KIAA1191: variants seen among roughly 807,000 people sequenced by gnomAD.
KIAA1191 encodes the protein putative monooxygenase p33MONOX.
In KIAA1191, 22 loss-of-function variants were observed where a neutral mutation model predicts 31.1. The observed-to-expected ratio is 0.71, with a 90% CI of 0.51 to 1.01. The LOEUF (loss-of-function observed/expected upper bound fraction) is 1.01. KIAA1191 is among the 50% of genes least tolerant of loss of function. KIAA1191 has a pLI of 0.00. For synonymous variants in KIAA1191, 130 were observed against 143.9 expected (o/e 0.90, Z 0.69); for missense variants, 319 against 388.0 (o/e 0.82, Z 1.49).
intron 5 of KIAA1191, 76 bp from the exon 6 acceptor site, chr5:176,350,813 A>G: frequency 6.4e-7 from 1 of 1,556,194 alleles, no homozygotes; most frequent in Non-Finnish European, 8.7e-7. Context: ...ATGGATATCT[A>G]CTATTCTCCC....
At chr5:176,353,121 G>C (rs1425252187) in intron 4 of KIAA1191, 1 of 167,564 alleles carries the variant, frequency 6.0e-6, no homozygotes, top group South Asian at 1.6e-4. Flanking sequence ...TAATTGATGA[G>C]AGCACTGGCT....
At chr5:176,351,630 C>T (rs565409507) in intron 5 of KIAA1191, among the ~76,000 whole-genome samples, 83 of 151,944 alleles carry the variant, frequency 5.5e-4, no homozygotes, top group African/African-American at 1.8e-3. Flanking sequence ...TGGTGGTGGG[C>T]GCCTGTAGTC....
In KIAA1191 at chr5:176,350,658, G is replaced by A; in HGVS notation, c.414C>T (p.Leu138=). 3 of 1,614,118 alleles carry A rather than the reference G, an allele frequency of 1.9e-6. No individual in the cohort carries two copies. The highest frequency in any genetic ancestry group is 1.7e-6 in the Non-Finnish European group (2 of 1,180,022). ...RDAGYTPHKG[L]TTEETKYLRV... ...GAAGGTACTTGGTCTCCTCGGTGGT[G>A]AGGCCCTTGTGGGGTGTGTAGCCAG... The change falls in exon 6 of 9, where the codon CTC becomes CTT. Residue 138 remains leucine (L), a synonymous_variant. Transcript: ENST00000298569.
At chr5:176,351,685 G>A (rs1001796001) in intron 5 of KIAA1191, among the ~76,000 whole-genome samples, 2 of 151,864 alleles carry the variant, frequency 1.3e-5, no homozygotes, top group Non-Finnish European at 1.5e-5. Flanking sequence ...TTGAACCTGG[G>A]AGGCGAAGGT....
intron 3 of KIAA1191, among the ~76,000 whole-genome samples, chr5:176,358,723 C>T (rs1767707187): frequency 7.0e-6 from 1 of 142,290 alleles, no homozygotes; most frequent in Non-Finnish European, 1.5e-5. Flanking sequence ...TAAAATAAAA[C>T]TGGCTGGGCG....
In KIAA1191 at chr5:176,348,373, G is replaced by A. The variant is rs774556498; in HGVS notation, c.460-17C>T. On this transcript the variant is annotated splice_polypyrimidine_tract_variant and intron_variant, in intron 6 of 8. Transcript: ENST00000298569. Reference sequence around the variant, plus strand: ...CTTTAGTTTCTGCTCAGATGGGTAAGAAGAGAGACTTTTTAAAAATGAAAG... The same window carrying A: ...CTTTAGTTTCTGCTCAGATGGGTAAAAAGAGAGACTTTTTAAAAATGAAAG... 3 of 1,583,542 alleles carry A rather than the reference G, an allele frequency of 1.9e-6. No homozygotes were observed. The highest frequency in any genetic ancestry group is 2.6e-6 in the Non-Finnish European group (3 of 1,155,526).
chr5:176,348,938 C>T (rs1766757099), intron 6 of KIAA1191: 1 of 153,210 alleles, frequency 6.5e-6, no homozygotes, highest in Non-Finnish European at 1.5e-5. Context: ...AGGTCTACAT[C>T]TCAGCTCTTC....
chr5:176,348,142 G>T, intron 7 of KIAA1191, 79 bp from the exon 8 acceptor site: 1 of 1,597,504 alleles, frequency 6.3e-7, no homozygotes. Flanking sequence ...AAAGAACAGG[G>T]AACTATCCCT....
Position 176,350,643 on chromosome 5 carries a change from G to A in KIAA1191, c.429C>T (p.Thr143=), listed in dbSNP as rs746615191. 91 of 1,614,026 alleles carry A rather than the reference G, an allele frequency of 5.6e-5. 1 individual carries two copies. The Middle Eastern group carries it at 8.3e-4, about 15-fold the overall frequency. The change falls in exon 6 of 9, where the codon ACC becomes ACT. Residue 143 remains threonine, a synonymous_variant. Coordinates refer to ENST00000298569, the MANE Select transcript of KIAA1191 (RefSeq NM_020444.5). ...TPHKGLTTEE[T]KYLRVAEALH... is the part of the protein sequence containing the mutation. Reference sequence around the variant, plus strand: ...GTGCTTCGGCCACTCGAAGGTACTTGGTCTCCTCGGTGGTGAGGCCCTTGT... The same window carrying A: ...GTGCTTCGGCCACTCGAAGGTACTTAGTCTCCTCGGTGGTGAGGCCCTTGT...
At chr5:176,359,643 A>C in intron 2 of KIAA1191, 76 bp from the exon 3 acceptor site, 1 of 734,718 alleles carries the variant, frequency 1.4e-6, no homozygotes, top group South Asian at 1.5e-5. Context: ...CACAGAATTG[A>C]ACGGCTTGTT....
rs1191967762 is a variant in KIAA1191 at position 176,355,025 on chromosome 5, G to T, written c.207+546C>A. Among the ~76,000 whole-genome samples, 4 of 152,178 alleles carry T rather than the reference G, an allele frequency of 2.6e-5. No individual in the cohort carries two copies. ...AAACATCCTAAACAATCAGGGCAGT[G>T]TGAGCCAAAAACTGACAGGCAGAAA... On this transcript the variant is annotated intron_variant, in intron 4 of 8. Transcript: ENST00000298569. The surrounding 1 kb of genome is among the most constrained non-coding windows in gnomAD (Gnocchi z 4.2).
Position 176,348,333 on chromosome 5 carries a change from C to G in KIAA1191, c.483G>C (p.Glu161Asp). 1 of 1,613,512 alleles carries G rather than the reference C, an allele frequency of 6.2e-7. No homozygotes were observed. Among genetic ancestry groups the G allele is most frequent in the South Asian group, 1.1e-5 (1 of 91,020 alleles). Reference sequence around the variant, plus strand: ...CAGGCTGCCTCTCTTCTTTTGTTACCTCTCCACTCTGTAACTTTAGTTTCT... The same window carrying G: ...CAGGCTGCCTCTCTTCTTTTGTTACGTCTCCACTCTGTAACTTTAGTTTCT... Reference protein sequence around the residue: ...ALHKLKLQSGEVTKEERQPAS... With the variant: ...ALHKLKLQSGDVTKEERQPAS... Residue 161 changes from glutamate (E) to aspartate (D), a missense_variant, in exon 7 of 9, where the codon GAG (glutamate) becomes GAC (aspartate). Coordinates refer to ENST00000298569, the MANE Select transcript of KIAA1191 (RefSeq NM_020444.5).
intron 4 of KIAA1191, chr5:176,354,319 ACC>A (rs1405047970): frequency 6.6e-6 from 1 of 152,198 alleles, no homozygotes; most frequent in African/African-American, 2.4e-5. Context: ...ATTTCAGTGG[ACC>A]CTTACTGTGT....
At position 176,355,840 on chromosome 5, in the gene KIAA1191, C is replaced by T; in HGVS notation, c.29-91G>A. On this transcript the variant is annotated intron_variant, in intron 3 of 8. Transcript: ENST00000298569. The surrounding 1 kb of genome is among the most constrained non-coding windows in gnomAD (Gnocchi z 4.2). ...CTACAGGAAGGAAAGCTCTGAAATA[C>T]TCTTGTTCTTGAACAGAGCAAAATA... 1.5e-6 allele frequency: 2 copies of T among 1,325,834 alleles called. No homozygotes were observed. Among genetic ancestry groups the T allele is most frequent in the Middle Eastern group, 2.1e-4 (1 of 4,724 alleles). The allele number at this position is 1,325,834 out of a possible 1,614,324, so 82.1% of individuals were successfully genotyped here.
Position 176,357,850 on chromosome 5 carries a change from C to T in KIAA1191, c.28+1631G>A, listed in dbSNP as rs147669286. Among the ~76,000 whole-genome samples, 130 of 152,164 alleles carry T rather than the reference C, an allele frequency of 8.5e-4. 1 individual carries two copies. In the East Asian group the frequency reaches 0.022, roughly 26 times the overall value. On this transcript the variant is annotated intron_variant, in intron 3 of 8. Coordinates refer to ENST00000298569, the MANE Select transcript of KIAA1191 (RefSeq NM_020444.5). ...TTAAAGACTCCCACTGAACAGCCAT[C>T]CTAAAACAAATAAAGTCAGCTAGTA...
chr5:176,352,039 TA>T (rs1020778492), intron 5 of KIAA1191, among the ~76,000 whole-genome samples: 4 of 149,244 alleles, frequency 2.7e-5, no homozygotes, highest in East Asian at 3.9e-4. Context: ...GTTATAAGGT[TA>T]AAAAAAAATC....
chr5:176,355,464 G>T lies in KIAA1191; in HGVS notation c.207+107C>A. On this transcript the variant is annotated intron_variant, in intron 4 of 8. Coordinates refer to ENST00000298569, the MANE Select transcript of KIAA1191 (RefSeq NM_020444.5). This position sits in a 1 kb window ranked among gnomAD's most constrained non-coding sequence, Gnocchi z 4.2. ...GAGGCACAGAAAACACATACAGGGA[G>T]TGGTTGCTGCCCAGTCCCATGGGCA... is the stretch of plus-strand genomic sequence containing the variant. 1.1e-6 allele frequency: 1 copy of T among 913,866 alleles called. No homozygotes were observed. The highest frequency in any genetic ancestry group is 1.7e-6 in the Non-Finnish European group (1 of 588,688). The allele number at this position is 913,866 out of a possible 1,614,324, so 56.6% of individuals were successfully genotyped here. A position where few individuals can be genotyped will look rare whatever the true frequency, so the allele number is the denominator to read the frequency against.
At chr5:176,354,051 C>T (rs1370232250) in intron 4 of KIAA1191, among the ~76,000 whole-genome samples, 2 of 152,096 alleles carry the variant, frequency 1.3e-5, no homozygotes, top group Non-Finnish European at 2.9e-5. Flanking sequence ...CTGTTGGAGG[C>T]GGGGGGAAAA....
chr5:176,349,829 C>T (rs1766835162), intron 6 of KIAA1191, among the ~76,000 whole-genome samples: 1 of 152,148 alleles, frequency 6.6e-6, no homozygotes, highest in African/African-American at 2.4e-5. Context: ...AAGCTTGGAA[C>T]AAGCCTGGAT....
Sources: allele counts gnomAD v4.1 joint callset (sites outside exome capture counted in the v4.1 genomes callset), GRCh38; gene constraint gnomAD v4.1.1; non-coding constraint Gnocchi (gnomAD v3.1); transcripts MANE v1.5; gene names NCBI Gene and HGNC (gene_info 2026-07-23, HGNC 2026-07-21).